FLNC: variants seen among roughly 807,000 people sequenced by gnomAD.
FLNC encodes filamin C.
FLNC carries 91 observed loss-of-function variants against 254.3 expected under a neutral mutation model. The ratio of observed to expected loss-of-function variants is 0.36; its 90% CI spans 0.30 to 0.43. The LOEUF is 0.43. FLNC is among the 20% of genes least tolerant of loss of function. The pLI is 1.00. For missense variants in FLNC, 2,853 were observed against 3,802.6 expected (o/e 0.75, Z 6.57); for synonymous variants, 1,430 against 1,577.2 (o/e 0.91, Z 2.21).
In FLNC at chr7:128,838,216, C is replaced by A. The variant is rs753125021; in HGVS notation, c.1048-51C>A. ...TGGCCTGGCTGTGCCCCTCTGCCCC[C>A]TCTCAGGACTGCTCTCCCCTAGAAG... On this transcript the variant is annotated intron_variant, in intron 6 of 47. Coordinates refer to ENST00000325888, the MANE Select transcript of FLNC (RefSeq NM_001458.5). 1.9e-6 allele frequency: 3 copies of A among 1,590,870 alleles called. No individual in the cohort carries two copies. The Admixed American group carries it at 5.0e-5, about 27-fold the overall frequency.
rs994071085 is a variant in FLNC at position 128,843,120 on chromosome 7, G to A, written c.2551-109G>A. 6.6e-6 allele frequency: 9 copies of A among 1,364,768 alleles called. No individual in the cohort carries two copies. The African/African-American group carries it at 1.2e-4, about 18-fold the overall frequency. 84.5% of individuals were successfully genotyped at this position (1,364,768 alleles called of 1,614,324 possible). On this transcript the variant is annotated intron_variant, in intron 16 of 47. Transcript: ENST00000325888. The stretch of plus-strand genomic sequence containing the variant: ...GGAAGCAAAGGGGGCCCTTTTGGAG[G>A]CTGCCCCTGTCCATGCTGGGTCCCC...
chr7:128,852,777 C>T, intron 36 of FLNC, 25 bp downstream of exon 36: 1 of 1,613,534 alleles, frequency 6.2e-7, no homozygotes, highest in Non-Finnish European at 8.5e-7. Context: ...TCACGGGGAC[C>T]TCAGGGGTGG....
intron 7 of FLNC, 86 bp downstream of exon 7, chr7:128,838,515 C>T: frequency 6.3e-7 from 1 of 1,592,052 alleles, no homozygotes; most frequent in Non-Finnish European, 8.6e-7. Flanking sequence ...GACAGGGATG[C>T]CAGCCAGAGG....
rs1479188801 is a variant in FLNC, at chr7:128,858,677, C to T, written c.*154C>T. 1.5e-6 allele frequency: 1 copy of T among 664,192 alleles called. No homozygotes were observed. Among genetic ancestry groups the T allele is most frequent in the African/African-American group, 1.8e-5 (1 of 55,742 alleles). 41.1% of individuals were successfully genotyped at this position (664,192 alleles called of 1,614,324 possible). A position where few individuals can be genotyped will look rare whatever the true frequency, so the allele number is the denominator to read the frequency against. The stretch of plus-strand genomic sequence containing the variant: ...GGGGGTGAAGTGAAGGCCCAGCCTC[C>T]CCACCCCACCGCGCCCCAGGGGTTG... On this transcript the variant is annotated 3_prime_UTR_variant, in exon 48 of 48. Transcript: ENST00000325888. This position sits in a 1 kb window ranked among gnomAD's most constrained non-coding sequence, Gnocchi z 6.7.
rs1585165442 is a variant in FLNC at position 128,850,312 on chromosome 7, G to A, written c.5299-72G>A. ...TACCTTGTTCTTTCCTCACTCTCCA[G>A]CTTCAGTCATAGCATGGGTCAAACT... On this transcript the variant is annotated intron_variant, in intron 31 of 47. Coordinates refer to ENST00000325888, the MANE Select transcript of FLNC (RefSeq NM_001458.5). 21 of 1,279,574 alleles carry A rather than the reference G, an allele frequency of 1.6e-5. No homozygotes were observed. In the East Asian group the frequency reaches 4.8e-4, roughly 30 times the overall value. The allele number at this position is 1,279,574 out of a possible 1,614,324, so 79.3% of individuals were successfully genotyped here.
At chr7:128,852,017 C>T (rs1808839726) in intron 35 of FLNC, among the ~76,000 whole-genome samples, 1 of 152,204 alleles carries the variant, frequency 6.6e-6, no homozygotes, top group Non-Finnish European at 1.5e-5. Context: ...AGGCGCCCGC[C>T]ACCATGCCTG....
Position 128,842,257 on chromosome 7 carries a change from C to G in FLNC, c.2148C>G (p.Ile716Met). ...AQDADGCPID[I>M]KVIPNGDGTF... is the part of the protein sequence containing the mutation. ...ACGCCGACGGCTGTCCCATCGACAT[C>G]AAGGTGATCCCCAACGGCGACGGCA... The change falls in exon 14 of 48, where the codon ATC (isoleucine) becomes ATG (methionine). Residue 716 changes from isoleucine to methionine, a missense_variant. Ile to Met is a conservative substitution (Grantham distance 10). This residue lies in a region of FLNC where 1,573 missense variants were observed against 1,883.5 expected (regional missense o/e 0.84). Transcript: ENST00000325888. The surrounding 1 kb of genome is among the most constrained non-coding windows in gnomAD (Gnocchi z 5.4). 6.2e-7 allele frequency: 1 copy of G among 1,613,776 alleles called. No individual in the cohort carries two copies. Among genetic ancestry groups the G allele is most frequent in the Non-Finnish European group, 8.5e-7 (1 of 1,180,000 alleles).
At position 128,854,513 on chromosome 7, in the gene FLNC, G is replaced by A. The variant is rs1063263; in HGVS notation, c.6828G>A (p.Val2276=). Residue 2276 remains valine (V), a synonymous_variant, in exon 41 of 48, where the codon GTG becomes GTA. Coordinates refer to ENST00000325888, the MANE Select transcript of FLNC (RefSeq NM_001458.5). The part of the protein sequence containing the change: ...IVEGEDSAYS[V]RFVPQEMGPH... ...AGGGCGAGGACAGCGCCTACAGCGT[G>A]CGCTTTGTGCCCCAGGAAATGGGGC... 5.0e-6 allele frequency: 8 copies of A among 1,605,468 alleles called. No individual in the cohort carries two copies. The South Asian group carries it at 5.6e-5, about 11-fold the overall frequency.
At position 128,856,983 on chromosome 7, in the gene FLNC, C is replaced by A; in HGVS notation, c.7561+62C>A. The A allele has an allele frequency of 6.3e-7, 1 of 1,590,834 alleles. No individual in the cohort carries two copies. ...GGGGTGCTTGGCCACTAGTCTGGTG[C>A]TGCTTTGCTCCAGAGGTAGGGGCCC... On this transcript the variant is annotated intron_variant, in intron 45 of 47. Coordinates refer to ENST00000325888, the MANE Select transcript of FLNC (RefSeq NM_001458.5). The surrounding 1 kb of genome is among the most constrained non-coding windows in gnomAD (Gnocchi z 5.9).
chr7:128,841,734 T>C lies in FLNC; in HGVS notation c.2121+167T>C, dbSNP rs1230994281. 6.6e-6 allele frequency among the ~76,000 whole-genome samples: 1 copy of C among 152,232 alleles called. No individual in the cohort carries two copies. Among genetic ancestry groups the C allele is most frequent in the African/African-American group, 2.4e-5 (1 of 41,462 alleles). ...TCAGTACCATGGAAAATTTTAAATT[T>C]TGTGTTTTCTTAACGATGATAACCT... On this transcript the variant is annotated intron_variant, in intron 13 of 47. Coordinates refer to ENST00000325888, the MANE Select transcript of FLNC (RefSeq NM_001458.5). This position sits in a 1 kb window ranked among gnomAD's most constrained non-coding sequence, Gnocchi z 4.3.
At position 128,837,904 on chromosome 7, in the gene FLNC, G is replaced by A. The variant is rs533905441; in HGVS notation, c.970-83G>A. 11 of 1,412,496 alleles carry A rather than the reference G, an allele frequency of 7.8e-6. No homozygotes were observed. The South Asian group carries it at 1.0e-4, about 13-fold the overall frequency. 87.5% of individuals were successfully genotyped at this position (1,412,496 alleles called of 1,614,324 possible). A position where few individuals can be genotyped will look rare whatever the true frequency, so the allele number is the denominator to read the frequency against. Reference sequence around the variant, plus strand: ...GAAGGTGTCACCATGGGGGCTGAGTGGGGCTGGGGTGCATAAGGCACTGTG... The same window carrying A: ...GAAGGTGTCACCATGGGGGCTGAGTAGGGCTGGGGTGCATAAGGCACTGTG... On this transcript the variant is annotated intron_variant, in intron 5 of 47. Transcript: ENST00000325888.
chr7:128,837,486 A>T lies in FLNC; in HGVS notation c.788A>T (p.Lys263Ile). 1.2e-6 allele frequency: 2 copies of T among 1,614,210 alleles called. No homozygotes were observed. Among genetic ancestry groups the T allele is most frequent in the Non-Finnish European group, 1.7e-6 (2 of 1,180,024 alleles). The change falls in exon 4 of 48, where the codon AAA (lysine) becomes ATA (isoleucine). Residue 263 changes from lysine to isoleucine, a missense_variant. By Grantham distance (102) the Lys-to-Ile change is moderately radical. Transcript: ENST00000325888. The stretch of plus-strand genomic sequence containing the variant: ...TCCCAGTTCCCCAAGGCCAAGCTCA[A>T]ACCTGGTGCCCCTGTTCGATCCAAG... ...YLSQFPKAKLKPGAPVRSKQL... is the reference protein window; with the variant it reads ...YLSQFPKAKLIPGAPVRSKQL...
At position 128,845,209 on chromosome 7, in the gene FLNC, C is replaced by T. The variant is rs374922440; in HGVS notation, c.3744C>T (p.Val1248=). The T allele has an allele frequency of 6.2e-6, 10 of 1,613,852 alleles. No individual in the cohort carries two copies. Among genetic ancestry groups the T allele is most frequent in the East Asian group, 4.5e-5 (2 of 44,882 alleles). The stretch of plus-strand genomic sequence containing the variant: ...CCCGTGTCCATGTGCAGCCTGCGGT[C>T]GATACCAGTGGCGTCAAGGTCTCAG... The part of the protein sequence containing the change: ...FPTRVHVQPA[V]DTSGVKVSGP... Residue 1248 remains valine, a synonymous_variant, in exon 21 of 48, where the codon GTC becomes GTT. Coordinates refer to ENST00000325888, the MANE Select transcript of FLNC (RefSeq NM_001458.5).
Position 128,830,879 on chromosome 7 carries a change from G to T in FLNC, c.242G>T (p.Arg81Leu). The part of the protein sequence containing the change: ...IALLEVLSQK[R>L]MYRKFHPRPN... Reference sequence around the variant, plus strand: ...CTGCTCGAGGTGCTCAGCCAGAAGCGCATGTACCGCAAGTTCCATCCGCGC... The same window carrying T: ...CTGCTCGAGGTGCTCAGCCAGAAGCTCATGTACCGCAAGTTCCATCCGCGC... Residue 81 changes from arginine (R) to leucine (L), a missense_variant, in exon 1 of 48, where the codon CGC (arginine) becomes CTC (leucine). Physicochemically the swap from Arg to Leu is moderately radical, Grantham distance 102. Around this residue, in one of 10 missense-constraint regions of FLNC, gnomAD observed 59 missense variants for 59.8 expected, o/e 0.99. Coordinates refer to ENST00000325888, the MANE Select transcript of FLNC (RefSeq NM_001458.5). 3.1e-6 allele frequency: 5 copies of T among 1,613,140 alleles called. No homozygotes were observed. Among genetic ancestry groups the T allele is most frequent in the Non-Finnish European group, 4.2e-6 (5 of 1,179,958 alleles).
At chr7:128,854,324 G>A (rs1808959845) in intron 40 of FLNC, 89 bp from the exon 41 acceptor site, 1 of 1,599,416 alleles carries the variant, frequency 6.3e-7, no homozygotes, top group African/African-American at 1.3e-5. Flanking sequence ...GCAGGTCTGA[G>A]CAGAGGAGGA....
At position 128,857,023 on chromosome 7, in the gene FLNC, G is replaced by T. The variant is rs1809092521; in HGVS notation, c.7562-95G>T. ...GGTAGGGGCCCTGCTTCCTAAGCCA[G>T]GAGTCCCCACAGAGGCTGTCCAGGG... On this transcript the variant is annotated intron_variant, in intron 45 of 47. Transcript: ENST00000325888. The surrounding 1 kb of genome is among the most constrained non-coding windows in gnomAD (Gnocchi z 4.5). 6.4e-7 allele frequency: 1 copy of T among 1,572,004 alleles called. No individual in the cohort carries two copies. The highest frequency in any genetic ancestry group is 1.3e-5 in the African/African-American group (1 of 74,094).
Position 128,835,439 on chromosome 7 carries a change from G to T in FLNC, c.466G>T (p.Ala156Ser). ...PMWEDEDDED[A>S]RKQTPKQRLL... Reference sequence around the variant, plus strand: ...GTGGGAGGATGAAGATGATGAGGATGCCCGCAAACAGACGCCCAAGCAGCG... The same window carrying T: ...GTGGGAGGATGAAGATGATGAGGATTCCCGCAAACAGACGCCCAAGCAGCG... The change falls in exon 2 of 48, where the codon GCC becomes TCC. Residue 156 changes from alanine (A) to serine (S), a missense_variant. Around this residue, in one of 10 missense-constraint regions of FLNC, gnomAD observed 115 missense variants for 230.3 expected, o/e 0.50. Transcript: ENST00000325888. This position sits in a 1 kb window ranked among gnomAD's most constrained non-coding sequence, Gnocchi z 5.3. 1 of 1,614,124 alleles carries T rather than the reference G, an allele frequency of 6.2e-7. No homozygotes were observed. Among genetic ancestry groups the T allele is most frequent in the Non-Finnish European group, 8.5e-7 (1 of 1,180,044 alleles).
chr7:128,842,469 T>C lies in FLNC; in HGVS notation c.2265+95T>C. ...GTCCCTGTTGTCCCTGGGCTCAGGCTGGGACTGAGGCTTGGGCTGGTGCCA... is the reference window on the plus strand; with the variant it reads ...GTCCCTGTTGTCCCTGGGCTCAGGCCGGGACTGAGGCTTGGGCTGGTGCCA... On this transcript the variant is annotated intron_variant, in intron 14 of 47. Transcript: ENST00000325888. The surrounding 1 kb of genome is among the most constrained non-coding windows in gnomAD (Gnocchi z 5.4). The C allele has an allele frequency of 1.3e-6, 2 of 1,593,730 alleles. No homozygotes were observed. The highest frequency in any genetic ancestry group is 3.5e-5 in the Admixed American group (2 of 57,580).
intron 30 of FLNC, 26 bp from the exon 31 acceptor site, chr7:128,849,949 CT>C: frequency 6.6e-7 from 1 of 1,505,708 alleles, no homozygotes. Flanking sequence ...CTGCCACACC[CT>C]GTGCCCCCGT....
Sources: gnomAD v4.1 joint callset for allele counts (sites outside exome capture counted in the v4.1 genomes callset) on GRCh38, gnomAD v4.1.1 for gene constraint, gnomAD v4.1.1 regional missense constraint, Gnocchi (gnomAD v3.1) non-coding constraint, MANE v1.5 for transcripts, NCBI Gene and HGNC (gene_info 2026-07-23, HGNC 2026-07-21) for gene names.